OR2L13: variants seen among roughly 807,000 people sequenced by gnomAD.
OR2L13 encodes the protein olfactory receptor family 2 subfamily L member 13.
A neutral mutation model predicts 15.3 loss-of-function variants in OR2L13; 14 were observed. That is an observed-to-expected ratio of 0.91 (90% CI 0.60 to 1.43). The LOEUF (loss-of-function observed/expected upper bound fraction) is 1.43, where lower values mean the gene tolerates loss of function less well. Ranked by LOEUF, OR2L13 falls within the 40% of genes most tolerant of loss-of-function variation. The pLI, the probability that OR2L13 is intolerant of heterozygous loss-of-function variation, is 0.00. For synonymous variants in OR2L13, 152 were observed against 142.9 expected (o/e 1.06, Z -0.45); for missense variants, 367 against 387.9 (o/e 0.95, Z 0.45).
At chr1:248,075,429 C>T in the OR2L13 span, among the ~76,000 whole-genome samples, 11 of 152,230 alleles carry the variant, frequency 7.2e-5, no homozygotes, top group African/African-American at 2.7e-4. Context: ...AATCACCACA[C>T]TGTCTTCCAC....
chr1:248,067,742 C>G, the OR2L13 span, among the ~76,000 whole-genome samples: 2 of 152,158 alleles, frequency 1.3e-5, no homozygotes, highest in Non-Finnish European at 2.9e-5. Flanking sequence ...CTTTCCTAGT[C>G]GAAGAAAGGG....
At chr1:248,042,815 C>T in the OR2L13 span, among the ~76,000 whole-genome samples, 1 of 152,200 alleles carries the variant, frequency 6.6e-6, no homozygotes, top group Non-Finnish European at 1.5e-5. Context: ...TCCTCATCCT[C>T]TCTTCACTAA....
At chr1:248,091,567 G>C (rs936630658), upstream of OR2L13, among the ~76,000 whole-genome samples, 2 of 151,420 alleles carry the variant, frequency 1.3e-5, no homozygotes, top group Non-Finnish European at 2.9e-5. Flanking sequence ...ATTTTTGTTG[G>C]CTTCGTTGAA....
the OR2L13 span, among the ~76,000 whole-genome samples, chr1:247,969,514 A>T: frequency 4.6e-5 from 7 of 152,140 alleles, no homozygotes; most frequent in African/African-American, 1.4e-4. Context: ...GCAGGATTGG[A>T]TGCTTTCCCA....
At chr1:247,955,090 C>T in the OR2L13 span, among the ~76,000 whole-genome samples, 2 of 151,450 alleles carry the variant, frequency 1.3e-5, no homozygotes, top group Non-Finnish European at 2.9e-5. Flanking sequence ...TAATGCTATC[C>T]CTCCCCCCTT....
chr1:248,012,596 T>C, the OR2L13 span, among the ~76,000 whole-genome samples: 1 of 152,188 alleles, frequency 6.6e-6, no homozygotes, highest in Admixed American at 6.5e-5. Flanking sequence ...TCTACTTTTA[T>C]GTTCAAAGGC....
the OR2L13 span, among the ~76,000 whole-genome samples, chr1:248,034,881 G>C: frequency 1.3e-5 from 2 of 152,122 alleles, no homozygotes; most frequent in African/African-American, 2.4e-5. Flanking sequence ...AGTGCAAAAG[G>C]TTTTGGCTGT....
At chr1:248,041,004 TCTC>T in the OR2L13 span, 10 of 152,172 alleles carry the variant, frequency 6.6e-5, no homozygotes, top group South Asian at 4.1e-4. Flanking sequence ...ATGACTTTCT[TCTC>T]CTCTAATTTA....
chr1:247,960,069 T>C, the OR2L13 span, among the ~76,000 whole-genome samples: 4 of 152,158 alleles, frequency 2.6e-5, no homozygotes, highest in African/African-American at 7.2e-5. Context: ...ATCTTTGTGG[T>C]TTTATCTACC....
At chr1:247,943,148 A>G in the OR2L13 span, among the ~76,000 whole-genome samples, 4 of 152,132 alleles carry the variant, frequency 2.6e-5, no homozygotes, top group African/African-American at 9.7e-5. Flanking sequence ...ATTGTGAATA[A>G]TGTTGCTATA....
At chr1:248,031,631 G>A in the OR2L13 span, among the ~76,000 whole-genome samples, 1 of 152,168 alleles carries the variant, frequency 6.6e-6, no homozygotes, top group Non-Finnish European at 1.5e-5. Context: ...GTAAATTGAG[G>A]CAATCTCCTA....
At chr1:247,991,882 G>A in the OR2L13 span, among the ~76,000 whole-genome samples, 3 of 149,498 alleles carry the variant, frequency 2.0e-5, no homozygotes, top group East Asian at 6.1e-4. Flanking sequence ...TTCCAGAAGA[G>A]CCCATTCCTG....
At chr1:248,010,554 G>T in the OR2L13 span, among the ~76,000 whole-genome samples, 1 of 152,064 alleles carries the variant, frequency 6.6e-6, no homozygotes, top group South Asian at 2.1e-4. Context: ...TATTGTGTGG[G>T]AGTCTAAGTC....
the OR2L13 span, among the ~76,000 whole-genome samples, chr1:247,957,842 T>C: frequency 6.6e-6 from 1 of 152,216 alleles, no homozygotes; most frequent in Non-Finnish European, 1.5e-5. Flanking sequence ...TTTTCTTCTT[T>C]ATTATCCTTG....
At chr1:247,948,601 A>G in the OR2L13 span, among the ~76,000 whole-genome samples, 10 of 152,364 alleles carry the variant, frequency 6.6e-5, no homozygotes, top group South Asian at 1.0e-3. Flanking sequence ...TCATATTCAC[A>G]TATTTATAGT....
At chr1:248,016,160 G>GA in the OR2L13 span, among the ~76,000 whole-genome samples, 3 of 152,078 alleles carry the variant, frequency 2.0e-5, no homozygotes, top group Admixed American at 1.3e-4. Flanking sequence ...TGAAGGATAG[G>GA]AAAAAATCTA....
the OR2L13 span, among the ~76,000 whole-genome samples, chr1:247,980,539 T>G: frequency 6.6e-6 from 1 of 152,162 alleles, no homozygotes; most frequent in Non-Finnish European, 1.5e-5. Flanking sequence ...TGAATAAACA[T>G]AATTGTTTCT....
At chr1:248,005,834 T>C in the OR2L13 span, among the ~76,000 whole-genome samples, 1 of 152,236 alleles carries the variant, frequency 6.6e-6, no homozygotes, top group Non-Finnish European at 1.5e-5. Flanking sequence ...CCTGTGGATA[T>C]TTGTTTTACA....
the OR2L13 span, chr1:248,061,376 G>T: frequency 6.2e-7 from 1 of 1,614,040 alleles, no homozygotes; most frequent in South Asian, 1.1e-5. Context: ...TCTGCAGAAG[G>T]GAGGAAGAAA....
Sources: gnomAD v4.1 joint callset for allele counts (sites outside exome capture counted in the v4.1 genomes callset) on GRCh38, gnomAD v4.1.1 for gene constraint, MANE v1.5 for transcripts, NCBI Gene and HGNC (gene_info 2026-07-23, HGNC 2026-07-21) for gene names.